Variants in TRAT1 observed in about 807,000 individuals in gnomAD.
TRAT1 encodes T-cell receptor-associated transmembrane adapter 1.
A neutral mutation model predicts 20.0 loss-of-function variants in TRAT1; 20 were observed. The observed-to-expected ratio is 1.00, with a 90% CI of 0.70 to 1.45. The LOEUF (loss-of-function observed/expected upper bound fraction) is 1.45. TRAT1 is among the 40% of genes most tolerant of loss of function. The pLI, the probability that TRAT1 is intolerant of heterozygous loss-of-function variation, is 0.00. For missense variants in TRAT1, 237 were observed against 224.1 expected, an observed-to-expected ratio of 1.06 and a Z score of -0.37; for synonymous variants, 77 against 74.2, an observed-to-expected ratio of 1.04 and a Z score of -0.20.
chr3:108,837,297 C>T (rs899799071), intron 2 of TRAT1, among the ~76,000 whole-genome samples: 9 of 152,186 alleles, frequency 5.9e-5, no homozygotes, highest in Non-Finnish European at 1.3e-4. Context: ...ATACATTCAT[C>T]ACTTTTGGTC....
intron 3 of TRAT1, among the ~76,000 whole-genome samples, chr3:108,842,409 C>T (rs1163576296): frequency 6.6e-6 from 1 of 152,130 alleles, no homozygotes; most frequent in East Asian, 1.9e-4. Flanking sequence ...GTTGAGAATC[C>T]TTATGACAAG....
intron 5 of TRAT1, among the ~76,000 whole-genome samples, chr3:108,850,258 T>C (rs1945986232): frequency 6.6e-6 from 1 of 152,230 alleles, no homozygotes; most frequent in Admixed American, 6.5e-5. Flanking sequence ...GAGGTAGAAT[T>C]TTACTCTTTT....
intron 3 of TRAT1, among the ~76,000 whole-genome samples, 187 bp from the exon 4 acceptor site, chr3:108,846,881 C>T (rs1056075260): frequency 5.3e-5 from 8 of 152,168 alleles, no homozygotes; most frequent in African/African-American, 1.7e-4. Context: ...TCACACGGAA[C>T]ACAGATACAC....
chr3:108,830,558 A>G, intron 1 of TRAT1, 112 bp from the exon 2 acceptor site: 2 of 713,328 alleles, frequency 2.8e-6, no homozygotes, highest in South Asian at 3.6e-5. Context: ...CCCGGTAGAG[A>G]CTGTGTACTT....
rs544845143 is a variant in TRAT1, at chr3:108,840,057, C to T, written c.152+1090C>T. The stretch of plus-strand genomic sequence containing the variant: ...GTCTTTGAAAAACACAGAGCTTTCT[C>T]ACTGGGTAGGATAAGAACATAAGCC... On this transcript the variant is annotated intron_variant, in intron 3 of 5. Coordinates refer to ENST00000295756, the MANE Select transcript of TRAT1 (RefSeq NM_016388.4). Among the ~76,000 whole-genome samples the T allele has an allele frequency of 3.1e-4, 47 of 152,086 alleles. 1 individual carries two copies. Among genetic ancestry groups the T allele is most frequent in the African/African-American group, 1.0e-3 (43 of 41,498 alleles).
At chr3:108,833,015 G>A (rs1945808363) in intron 2 of TRAT1, among the ~76,000 whole-genome samples, 1 of 152,080 alleles carries the variant, frequency 6.6e-6, no homozygotes, top group African/African-American at 2.4e-5. Flanking sequence ...TTTGTGCATT[G>A]GGATTTATTT....
intron 1 of TRAT1, among the ~76,000 whole-genome samples, chr3:108,829,451 G>A (rs931453811): frequency 2.4e-4 from 37 of 152,156 alleles, no homozygotes; most frequent in African/African-American, 8.7e-4. Flanking sequence ...AGGCGTGGTG[G>A]TGCACACCTG....
intron 1 of TRAT1, among the ~76,000 whole-genome samples, chr3:108,826,290 G>A (rs1945738367): frequency 1.3e-5 from 2 of 151,894 alleles, no homozygotes; most frequent in African/African-American, 2.4e-5. Context: ...GGTATCCAAA[G>A]CTAATATTAC....
At chr3:108,825,935 C>T (rs1945733962) in intron 1 of TRAT1, among the ~76,000 whole-genome samples, 1 of 152,098 alleles carries the variant, frequency 6.6e-6, no homozygotes, top group African/African-American at 2.4e-5. Flanking sequence ...AATGAAGTCA[C>T]TAAATACAGA....
chr3:108,840,425 CTATT>C (rs1945883848), intron 3 of TRAT1, among the ~76,000 whole-genome samples: 1 of 151,290 alleles, frequency 6.6e-6, no homozygotes, highest in Admixed American at 6.6e-5. Flanking sequence ...TGTGATTTGA[CTATT>C]TAGCTAAATT....
At chr3:108,824,506 C>G (rs1442598381) in intron 1 of TRAT1, among the ~76,000 whole-genome samples, 4 of 152,134 alleles carry the variant, frequency 2.6e-5, no homozygotes, top group Non-Finnish European at 4.4e-5. Flanking sequence ...CTGTTTATAG[C>G]TATCATTTGT....
At position 108,835,895 on chromosome 3, in the gene TRAT1, G is replaced by GTATT. The variant is rs67112821; in HGVS notation, c.119-3001_119-2998dup. Among the ~76,000 whole-genome samples, 121 of 150,030 alleles carry GTATT rather than the reference G, an allele frequency of 8.1e-4. 1 individual carries two copies. Among genetic ancestry groups the GTATT allele is most frequent in the South Asian group, 3.8e-3 (18 of 4,710 alleles). ...ATTCAATAGAGTTAGTTGTTTGTTT[G>GTATT]TATTTATTTATTTATTTATTTATTT... On this transcript the variant is annotated intron_variant, in intron 2 of 5. Transcript: ENST00000295756.
At chr3:108,826,708 G>A (rs150362071) in intron 1 of TRAT1, among the ~76,000 whole-genome samples, 10 of 152,176 alleles carry the variant, frequency 6.6e-5, no homozygotes, top group African/African-American at 2.2e-4. Context: ...GCAAAAAGAC[G>A]TTCATTGCTC....
rs75033960 is a variant in TRAT1 at position 108,832,826 on chromosome 3, A to G, written c.118+2046A>G. On this transcript the variant is annotated intron_variant, in intron 2 of 5. Transcript: ENST00000295756. ...TATTTACTTTCAACCTTAATAGTCA[A>G]TTTTTTCAGTCCTATGATTGCATGA... is the stretch of plus-strand genomic sequence containing the variant. Among the ~76,000 whole-genome samples, 110 of 152,268 alleles carry G rather than the reference A, an allele frequency of 7.2e-4. No individual in the cohort carries two copies. In the East Asian group the frequency reaches 0.012, roughly 17 times the overall value.
At chr3:108,842,116 A>C (rs1371838830) in intron 3 of TRAT1, among the ~76,000 whole-genome samples, 1 of 152,220 alleles carries the variant, frequency 6.6e-6, no homozygotes, top group Non-Finnish European at 1.5e-5. Context: ...AAAGCAGTTC[A>C]GGTTTACAAT....
intron 2 of TRAT1, among the ~76,000 whole-genome samples, chr3:108,837,306 TC>T (rs1203543001): frequency 6.6e-6 from 1 of 152,198 alleles, no homozygotes; most frequent in Non-Finnish European, 1.5e-5. Context: ...TCACTTTTGG[TC>T]CCATAGCAGC....
rs575254673 is a variant in TRAT1 at position 108,830,734 on chromosome 3, A to G, written c.72A>G (p.Ile24Met). The change falls in exon 2 of 6, where the codon ATA becomes ATG. Residue 24 changes from isoleucine to methionine, a missense_variant. Physicochemically the swap from Ile to Met is conservative, Grantham distance 10. Coordinates refer to ENST00000295756, the MANE Select transcript of TRAT1 (RefSeq NM_016388.4). ...LLALLGLALV[I>M]SLIFNISHYV... Reference sequence around the variant, plus strand: ...CATTGTTGGGCTTGGCTTTGGTTATATCACTGATCTTCAATATTTCCCACT... The same window carrying G: ...CATTGTTGGGCTTGGCTTTGGTTATGTCACTGATCTTCAATATTTCCCACT... 9 of 1,614,022 alleles carry G rather than the reference A, an allele frequency of 5.6e-6. No individual in the cohort carries two copies. Among genetic ancestry groups the G allele is most frequent in the East Asian group, 4.5e-5 (2 of 44,868 alleles).
chr3:108,830,080 C>T (rs553169291), intron 1 of TRAT1, among the ~76,000 whole-genome samples: 20 of 152,222 alleles, frequency 1.3e-4, no homozygotes, highest in African/African-American at 4.8e-4. Context: ...ATTATCCTGA[C>T]CCTGTGTAGG....
chr3:108,833,845 G>T (rs2107508826), intron 2 of TRAT1, among the ~76,000 whole-genome samples: 1 of 149,216 alleles, frequency 6.7e-6, no homozygotes, highest in East Asian at 2.0e-4. Context: ...TTTGCATAGT[G>T]CTGGGGACTT....
Sources: gnomAD v4.1 joint callset for allele counts (sites outside exome capture counted in the v4.1 genomes callset) on GRCh38, gnomAD v4.1.1 for gene constraint, MANE v1.5 for transcripts, NCBI Gene and HGNC (gene_info 2026-07-23, HGNC 2026-07-21) for gene names.